Variants in VPS41 observed in about 807,000 individuals in gnomAD.
VPS41 encodes the protein VPS41 subunit of HOPS complex.
VPS41 carries 85 observed loss-of-function variants against 130.9 expected under a neutral mutation model. The observed-to-expected ratio is 0.65, with a 90% CI of 0.55 to 0.78. The LOEUF is 0.78. Ranked by LOEUF, VPS41 falls within the 30% of genes least tolerant of loss-of-function variation. The pLI is 0.00. For missense variants in VPS41, 874 were observed against 1,018.7 expected (o/e 0.86, Z 1.93); for synonymous variants, 335 against 332.9 (o/e 1.01, Z -0.07).
intron 2 of VPS41, among the ~76,000 whole-genome samples, chr7:38,879,856 A>T (rs1390247979): frequency 6.6e-6 from 1 of 151,250 alleles, no homozygotes; most frequent in East Asian, 1.9e-4. Context: ...AAGGACAATC[A>T]AGTATCTTAA....
rs764312538 is a variant in VPS41, at chr7:38,817,810, C to T, written c.450+7G>A. On this transcript the variant is annotated splice_region_variant and intron_variant, in intron 7 of 28. Transcript: ENST00000310301. The stretch of plus-strand genomic sequence containing the variant: ...TACATATCAAGGTAGAGACACACAG[C>T]ACTTACCTTCTTCCCTCCGGTCACA... 3.7e-6 allele frequency: 6 copies of T among 1,611,912 alleles called. No homozygotes were observed. In the East Asian group the frequency reaches 8.9e-5, roughly 24 times the overall value.
chr7:38,837,241 G>A (rs1785514896), intron 4 of VPS41, among the ~76,000 whole-genome samples: 1 of 152,106 alleles, frequency 6.6e-6, no homozygotes, highest in Non-Finnish European at 1.5e-5. Flanking sequence ...CATGGGAGCT[G>A]GACAAAGCAA....
chr7:38,870,449 C>G (rs1049068282), intron 2 of VPS41, among the ~76,000 whole-genome samples: 2 of 152,144 alleles, frequency 1.3e-5, no homozygotes, highest in Admixed American at 1.3e-4. Context: ...AAAAACTTAA[C>G]TCCCTTAGAG....
At chr7:38,864,944 C>T (rs140704325) in intron 3 of VPS41, among the ~76,000 whole-genome samples, 164 of 152,124 alleles carry the variant, frequency 1.1e-3, no homozygotes, top group African/African-American at 3.9e-3. Flanking sequence ...ACTTAAGTAA[C>T]TGATAAATGT....
rs372201463 is a variant in VPS41, at chr7:38,829,262, T to A, written c.321+992A>T. Among the ~76,000 whole-genome samples, 3 of 152,342 alleles carry A rather than the reference T, an allele frequency of 2.0e-5. 1 individual carries two copies. The highest frequency in any genetic ancestry group is 1.9e-4 in the East Asian group (1 of 5,188). On this transcript the variant is annotated intron_variant, in intron 5 of 28. Transcript: ENST00000310301. Reference sequence around the variant, plus strand: ...CTTTGGGCAACATTAGGCTTAGATATATAAAATGCATTCTTGTATGTCAAG... The same window carrying A: ...CTTTGGGCAACATTAGGCTTAGATAAATAAAATGCATTCTTGTATGTCAAG...
intron 8 of VPS41, 45 bp downstream of exon 8, chr7:38,796,700 T>C: frequency 6.2e-7 from 1 of 1,612,224 alleles, no homozygotes; most frequent in Middle Eastern, 1.7e-4. Context: ...TGGCCATTCT[T>C]CTGCCACTGA....
chr7:38,746,919 G>A (rs1238178548), intron 22 of VPS41, among the ~76,000 whole-genome samples: 1 of 152,134 alleles, frequency 6.6e-6, no homozygotes, highest in African/African-American at 2.4e-5. Context: ...GGACGAACAA[G>A]AGGAAGGAGC....
At chr7:38,726,857 T>C in intron 28 of VPS41, 52 bp downstream of exon 28, 1 of 1,447,324 alleles carries the variant, frequency 6.9e-7, no homozygotes, top group South Asian at 1.5e-5. Flanking sequence ...AGCACATTCC[T>C]CTAAGTGTGT....
chr7:38,804,693 T>C (rs900634714), intron 7 of VPS41, among the ~76,000 whole-genome samples: 3 of 152,234 alleles, frequency 2.0e-5, no homozygotes, highest in African/African-American at 4.8e-5. Context: ...AAGATCTACC[T>C]ACCCACCTAT....
At chr7:38,880,304 T>G (rs1042797654) in intron 2 of VPS41, among the ~76,000 whole-genome samples, 2 of 152,228 alleles carry the variant, frequency 1.3e-5, no homozygotes, top group Non-Finnish European at 2.9e-5. Context: ...ATTACCTCAT[T>G]GTTTTAAGCT....
At chr7:38,872,423 A>G (rs1484856300) in intron 2 of VPS41, among the ~76,000 whole-genome samples, 1 of 152,234 alleles carries the variant, frequency 6.6e-6, no homozygotes, top group African/African-American at 2.4e-5. Context: ...GAGCATGAAT[A>G]ATAGGAGGTA....
At chr7:38,759,016 T>A (rs1222642417) in intron 17 of VPS41, among the ~76,000 whole-genome samples, 1 of 152,226 alleles carries the variant, frequency 6.6e-6, no homozygotes, top group Non-Finnish European at 1.5e-5. Context: ...GCAATATTCT[T>A]TATAATAAAC....
intron 25 of VPS41, among the ~76,000 whole-genome samples, chr7:38,735,297 G>A (rs1402093554): frequency 4.6e-5 from 7 of 152,160 alleles, no homozygotes; most frequent in South Asian, 2.1e-4. Flanking sequence ...AGAAACCCAC[G>A]TAGGCCCAAA....
chr7:38,739,007 A>G (rs1227957659), intron 25 of VPS41, among the ~76,000 whole-genome samples: 7 of 152,230 alleles, frequency 4.6e-5, no homozygotes, highest in African/African-American at 1.4e-4. Context: ...AGTTTTTCCC[A>G]CAACATTCTC....
intron 5 of VPS41, among the ~76,000 whole-genome samples, chr7:38,825,937 C>A (rs188537349): frequency 6.6e-6 from 1 of 152,320 alleles, no homozygotes; most frequent in Non-Finnish European, 1.5e-5. Flanking sequence ...TACTATATGA[C>A]CTTCCCAGTT....
At chr7:38,871,841 T>C (rs892994790) in intron 2 of VPS41, among the ~76,000 whole-genome samples, 5 of 152,256 alleles carry the variant, frequency 3.3e-5, no homozygotes, top group African/African-American at 1.2e-4. Flanking sequence ...TATTATTTTC[T>C]ATAAAGATAG....
chr7:38,820,337 A>T (rs562101115), intron 6 of VPS41, among the ~76,000 whole-genome samples: 2 of 152,320 alleles, frequency 1.3e-5, no homozygotes, highest in African/African-American at 4.8e-5. Context: ...AACTTTTTAA[A>T]ACATACATCA....
chr7:38,794,035 T>C (rs1283587506), intron 9 of VPS41, among the ~76,000 whole-genome samples: 5 of 152,216 alleles, frequency 3.3e-5, no homozygotes, highest in African/African-American at 7.2e-5. Context: ...GGGGCCATTA[T>C]TCAGCATACC....
chr7:38,829,985 T>C (rs916403209), intron 5 of VPS41, among the ~76,000 whole-genome samples: 3 of 152,242 alleles, frequency 2.0e-5, no homozygotes, highest in Non-Finnish European at 2.9e-5. Context: ...AGTGGCACGG[T>C]AGTAATGATT....
Sources: gnomAD v4.1 joint callset for allele counts (sites outside exome capture counted in the v4.1 genomes callset) on GRCh38, gnomAD v4.1.1 for gene constraint, MANE v1.5 for transcripts, NCBI Gene and HGNC (gene_info 2026-07-23, HGNC 2026-07-21) for gene names.